Variants in ACTR3C observed in about 807,000 individuals in gnomAD.
ACTR3C encodes actin-related protein 3C.
A neutral mutation model predicts 26.3 loss-of-function variants in ACTR3C; 18 were observed. That is an observed-to-expected ratio of 0.68 (90% CI 0.47 to 1.01). ACTR3C has a LOEUF of 1.01. ACTR3C is among the 50% of genes least tolerant of loss of function. The pLI is 0.00. For missense variants in ACTR3C, 184 were observed against 250.7 expected (o/e 0.73, Z 1.80); for synonymous variants, 55 against 94.5 (o/e 0.58, Z 2.42).
chr7:150,258,797 G>A (rs1053577035), intron 6 of ACTR3C, among the ~76,000 whole-genome samples: 1 of 150,848 alleles, frequency 6.6e-6, no homozygotes, highest in African/African-American at 2.4e-5. Context: ...TCCCTGTTAT[G>A]TCTCCATTTA....
intron 1 of ACTR3C, among the ~76,000 whole-genome samples, chr7:150,303,933 T>C (rs1276286689): frequency 6.6e-6 from 1 of 152,234 alleles, no homozygotes; most frequent in Non-Finnish European, 1.5e-5. Flanking sequence ...TATCACCTGG[T>C]ATTGATTTAA....
chr7:150,017,580 A>C, the ACTR3C span, among the ~76,000 whole-genome samples: 3 of 150,004 alleles, frequency 2.0e-5, no homozygotes, highest in Non-Finnish European at 4.4e-5. Context: ...GGAGCAAGGA[A>C]GTCCAGACTC....
chr7:150,040,038 G>GTAATCCCACGTA, the ACTR3C span, among the ~76,000 whole-genome samples: 4 of 111,254 alleles, frequency 3.6e-5, no homozygotes, highest in African/African-American at 1.5e-4. Flanking sequence ...GGTTGGCTCT[G>GTAATCCCACGTA]AGTCCCCGCC....
chr7:149,947,773 C>T, the ACTR3C span, among the ~76,000 whole-genome samples: 2 of 145,092 alleles, frequency 1.4e-5, no homozygotes, highest in South Asian at 2.1e-4. Context: ...TGGGGGTTCA[C>T]GGACTGCAGG....
At chr7:150,202,176 T>C in the ACTR3C span, among the ~76,000 whole-genome samples, 5 of 152,242 alleles carry the variant, frequency 3.3e-5, no homozygotes, top group African/African-American at 1.2e-4. Flanking sequence ...CCCCGTAGAA[T>C]GGTAACTCAT....
chr7:150,142,696 G>T, the ACTR3C span, among the ~76,000 whole-genome samples: 2 of 151,334 alleles, frequency 1.3e-5, no homozygotes, highest in South Asian at 4.2e-4. Flanking sequence ...ACCCAGCTAA[G>T]TTTTGTATTT....
At chr7:150,142,077 G>C in the ACTR3C span, among the ~76,000 whole-genome samples, 1 of 152,174 alleles carries the variant, frequency 6.6e-6, no homozygotes, top group East Asian at 1.9e-4. Context: ...GATGATTCTA[G>C]AGTTTCAAAA....
chr7:150,038,642 G>A, the ACTR3C span, among the ~76,000 whole-genome samples: 2 of 145,122 alleles, frequency 1.4e-5, no homozygotes, highest in Admixed American at 6.8e-5. Flanking sequence ...GGACCCGTCG[G>A]ATCGTAAATC....
chr7:150,001,547 C>T, the ACTR3C span: 1 of 152,290 alleles, frequency 6.6e-6, no homozygotes, highest in Non-Finnish European at 1.5e-5. Context: ...CAGGCAGGTG[C>T]CCTGTTCCTA....
chr7:150,070,238 G>A, the ACTR3C span, among the ~76,000 whole-genome samples: 1,439 of 152,252 alleles, frequency 9.5e-3, 20 homozygotes, highest in African/African-American at 0.033. Flanking sequence ...CAGCATCACG[G>A]CTGTAAGAAC....
At chr7:150,172,018 G>A in the ACTR3C span, among the ~76,000 whole-genome samples, 1 of 150,588 alleles carries the variant, frequency 6.6e-6, no homozygotes, top group Non-Finnish European at 1.5e-5. Flanking sequence ...CACCATGTTG[G>A]CCAGGATGGT....
the ACTR3C span, among the ~76,000 whole-genome samples, chr7:150,016,616 A>C: frequency 3.4e-4 from 52 of 152,234 alleles, no homozygotes; most frequent in African/African-American, 1.1e-3. Context: ...ATGGGAAAAG[A>C]GCTGCCTTAC....
the ACTR3C span, among the ~76,000 whole-genome samples, chr7:150,194,289 A>G: frequency 6.9e-6 from 1 of 145,630 alleles, no homozygotes; most frequent in South Asian, 2.1e-4. Context: ...TATAATATAT[A>G]AAAGTCTTTT....
At chr7:149,991,103 A>T in the ACTR3C span, among the ~76,000 whole-genome samples, 2 of 152,218 alleles carry the variant, frequency 1.3e-5, no homozygotes, top group African/African-American at 4.8e-5. Context: ...GGCAGAAGGC[A>T]AAGGAGAAGT....
the ACTR3C span, among the ~76,000 whole-genome samples, chr7:150,035,395 T>C: frequency 5.7e-5 from 2 of 35,244 alleles, 1 homozygote; most frequent in Non-Finnish European, 1.1e-4. Context: ...GCGATGGGGG[T>C]CCTAAGATCC....
intron 6 of ACTR3C, among the ~76,000 whole-genome samples, chr7:150,265,244 T>C (rs1833940314): frequency 6.6e-6 from 1 of 152,134 alleles, no homozygotes; most frequent in African/African-American, 2.4e-5. Flanking sequence ...GATAAATTTC[T>C]ATTTCAAATA....
At chr7:150,132,918 A>T in the ACTR3C span, among the ~76,000 whole-genome samples, 3 of 152,206 alleles carry the variant, frequency 2.0e-5, no homozygotes, top group Non-Finnish European at 4.4e-5. Flanking sequence ...CTACACAGCC[A>T]TAAAAAAAGA....
At chr7:150,140,015 T>C in the ACTR3C span, among the ~76,000 whole-genome samples, 3 of 151,504 alleles carry the variant, frequency 2.0e-5, no homozygotes, top group African/African-American at 7.3e-5. Flanking sequence ...CACACACACA[T>C]GCACACACAC....
the ACTR3C span, among the ~76,000 whole-genome samples, chr7:150,136,803 T>C: frequency 1.3e-5 from 2 of 152,222 alleles, no homozygotes; most frequent in South Asian, 4.1e-4. Context: ...CAGCCAAGTC[T>C]CAGAGCTCAA....
Sources: gnomAD v4.1 joint callset for allele counts (sites outside exome capture counted in the v4.1 genomes callset) on GRCh38, gnomAD v4.1.1 for gene constraint, MANE v1.5 for transcripts, NCBI Gene and HGNC (gene_info 2026-07-23, HGNC 2026-07-21) for gene names.